The following STIM1 variants were observed in gnomAD, a reference collection of about 807,000 sequenced individuals.
STIM1 encodes stromal interaction molecule 1.
Under a neutral mutation model 74.7 loss-of-function variants are expected in STIM1, and 25 were observed. The ratio of observed to expected loss-of-function variants is 0.33; its 90% CI spans 0.24 to 0.47. The LOEUF (loss-of-function observed/expected upper bound fraction) is 0.47. Ranked by LOEUF, STIM1 falls within the 20% of genes least tolerant of loss-of-function variation. The pLI is 1.00. For missense variants in STIM1, 728 were observed against 920.8 expected (o/e 0.79, Z 2.71); for synonymous variants, 328 against 348.8 (o/e 0.94, Z 0.66).
chr11:3,872,567 G>A (rs1302388993), intron 1 of STIM1, among the ~76,000 whole-genome samples: 17 of 147,830 alleles, frequency 1.1e-4, no homozygotes, highest in South Asian at 2.2e-4. Context: ...TGTTGCCCAG[G>A]CTGGAGTGCA....
intron 3 of STIM1, among the ~76,000 whole-genome samples, chr11:4,041,125 C>A (rs2094143861): frequency 6.6e-6 from 1 of 152,344 alleles, no homozygotes; most frequent in East Asian, 1.9e-4. Context: ...TTATTCAGAG[C>A]AGACCAATAA....
At chr11:4,072,602 T>C (rs1269433423) in intron 6 of STIM1, among the ~76,000 whole-genome samples, 2 of 152,170 alleles carry the variant, frequency 1.3e-5, no homozygotes, top group Non-Finnish European at 2.9e-5. Flanking sequence ...TTGTTCTCCA[T>C]CTCTAACAGA....
At chr11:3,904,483 T>C (rs900773583) in intron 1 of STIM1, among the ~76,000 whole-genome samples, 1 of 152,122 alleles carries the variant, frequency 6.6e-6, no homozygotes, top group Non-Finnish European at 1.5e-5. Context: ...TATTTTATGG[T>C]AAAGAGCTTA....
At chr11:4,053,857 C>T (rs1380613457) in intron 3 of STIM1, among the ~76,000 whole-genome samples, 7 of 152,188 alleles carry the variant, frequency 4.6e-5, no homozygotes, top group African/African-American at 1.7e-4. Flanking sequence ...AATCTCCCGC[C>T]TTAGCCTCTC....
At position 3,974,192 on chromosome 11, in the gene STIM1, C is replaced by A. The variant is rs1043790858; in HGVS notation, c.270+6510C>A. On this transcript the variant is annotated intron_variant, in intron 2 of 12. Transcript: ENST00000526596. Reference sequence around the variant, plus strand: ...CAAAGCTCAACTCTCTGATGAAGAACTTCTACAGCTGTTGGGACTACTTAA... The same window carrying A: ...CAAAGCTCAACTCTCTGATGAAGAAATTCTACAGCTGTTGGGACTACTTAA... 6 of 520,732 alleles carry A rather than the reference C, an allele frequency of 1.2e-5. No individual in the cohort carries two copies. In the East Asian group the frequency reaches 1.9e-4, roughly 16 times the overall value. The allele number at this position is 520,732 out of a possible 1,614,324, so 32.3% of individuals were successfully genotyped here. A position where few individuals can be genotyped will look rare whatever the true frequency, so the allele number is the denominator to read the frequency against.
At chr11:4,006,941 G>T (rs1269574444) in intron 2 of STIM1, among the ~76,000 whole-genome samples, 1 of 152,142 alleles carries the variant, frequency 6.6e-6, no homozygotes, top group African/African-American at 2.4e-5. Context: ...GTACCCAAAG[G>T]TGTGCTGCTC....
chr11:3,965,342 C>T (rs1353108071), intron 1 of STIM1, among the ~76,000 whole-genome samples: 1 of 152,200 alleles, frequency 6.6e-6, no homozygotes, highest in Non-Finnish European at 1.5e-5. Flanking sequence ...GCACTTAGCA[C>T]ATAGTGTTTT....
At chr11:4,064,437 G>A (rs1168119537) in intron 5 of STIM1, among the ~76,000 whole-genome samples, 1 of 152,180 alleles carries the variant, frequency 6.6e-6, no homozygotes, top group Non-Finnish European at 1.5e-5. Flanking sequence ...AACTTAGGAT[G>A]AGTTCTTAAG....
chr11:3,870,905 G>T (rs1428765526), intron 1 of STIM1, among the ~76,000 whole-genome samples: 5 of 109,498 alleles, frequency 4.6e-5, no homozygotes, highest in Admixed American at 1.3e-4. Context: ...ATGAAGTCTT[G>T]CTCTGTCGCC....
At chr11:4,008,659 T>A (rs1264671480) in intron 2 of STIM1, among the ~76,000 whole-genome samples, 1 of 152,186 alleles carries the variant, frequency 6.6e-6, no homozygotes, top group Non-Finnish European at 1.5e-5. Context: ...CAACTCTGGA[T>A]AGGACGCCAT....
intron 9 of STIM1, 124 bp from the exon 10 acceptor site, chr11:4,083,139 G>A (rs1389022576): frequency 4.0e-6 from 5 of 1,242,720 alleles, no homozygotes; most frequent in Admixed American, 1.8e-5. Context: ...TTGCTCTTAA[G>A]TTTGAGTTTA....
At chr11:3,978,929 C>T (rs997946626) in intron 2 of STIM1, among the ~76,000 whole-genome samples, 1 of 152,140 alleles carries the variant, frequency 6.6e-6, no homozygotes, top group Admixed American at 6.5e-5. Context: ...TTGGCTTTAG[C>T]TCATGCTACT....
rs201644728 is a variant in STIM1, at chr11:4,083,253, C to T, written c.1239-10C>T. ...GTCCATGCCTGCAGTTCTCTTTCCT[C>T]TGTCTTCAGGCAAGCACTGAGCGAG... On this transcript the variant is annotated splice_polypyrimidine_tract_variant and intron_variant, in intron 9 of 12. Transcript: ENST00000526596. The T allele has an allele frequency of 1.4e-5, 23 of 1,613,670 alleles. No individual in the cohort carries two copies. Among genetic ancestry groups the T allele is most frequent in the Non-Finnish European group, 1.8e-5 (21 of 1,179,796 alleles).
intron 1 of STIM1, among the ~76,000 whole-genome samples, chr11:3,959,468 A>G (rs1363773913): frequency 2.6e-5 from 4 of 152,176 alleles, no homozygotes; most frequent in Non-Finnish European, 5.9e-5. Flanking sequence ...GCCAGCACAT[A>G]CTGATTTCAT....
chr11:3,994,463 CTTT>C (rs56255114), intron 2 of STIM1, among the ~76,000 whole-genome samples: 1 of 134,374 alleles, frequency 7.4e-6, no homozygotes, highest in African/African-American at 2.7e-5. Flanking sequence ...CTTTTTCTTT[CTTT>C]TTTTTTTTTT....
At chr11:3,981,481 A>T (rs1366537908) in intron 2 of STIM1, among the ~76,000 whole-genome samples, 2 of 152,106 alleles carry the variant, frequency 1.3e-5, no homozygotes, top group African/African-American at 2.4e-5. Context: ...TTATTTTTGA[A>T]TTTTGAATTC....
intron 3 of STIM1, among the ~76,000 whole-genome samples, chr11:4,024,927 A>G (rs1038207735): frequency 9.2e-5 from 14 of 152,316 alleles, no homozygotes; most frequent in African/African-American, 3.4e-4. Context: ...ACAGATAACA[A>G]TAAGACTAGA....
chr11:3,930,212 A>C (rs1024014062), intron 1 of STIM1, among the ~76,000 whole-genome samples: 4 of 152,156 alleles, frequency 2.6e-5, no homozygotes, highest in Non-Finnish European at 4.4e-5. Context: ...TGTACTAGGC[A>C]CTTTGCATGT....
intron 1 of STIM1, among the ~76,000 whole-genome samples, chr11:3,883,463 C>T (rs2091594786): frequency 6.6e-6 from 1 of 152,230 alleles, no homozygotes; most frequent in Non-Finnish European, 1.5e-5. Context: ...AAGCAGTTCT[C>T]CTGCCTCAGC....
Sources: gnomAD v4.1 joint callset for allele counts (sites outside exome capture counted in the v4.1 genomes callset) on GRCh38, gnomAD v4.1.1 for gene constraint, MANE v1.5 for transcripts, NCBI Gene and HGNC (gene_info 2026-07-23, HGNC 2026-07-21) for gene names.